Variants in ABCA8 observed in about 807,000 individuals in gnomAD.
The protein encoded by ABCA8 is ABC-type organic anion transporter ABCA8.
Under a neutral mutation model 192.3 loss-of-function variants are expected in ABCA8, and 177 were observed. The observed-to-expected ratio is 0.92, with a 90% CI of 0.81 to 1.04. ABCA8 has a LOEUF of 1.04. Ranked by LOEUF, ABCA8 falls within the 50% of genes least tolerant of loss-of-function variation. ABCA8 has a pLI of 0.00. For synonymous variants in ABCA8, 642 were observed against 690.2 expected, an observed-to-expected ratio of 0.93 and a Z score of 1.09; for missense variants, 1,915 against 1,904.8, an observed-to-expected ratio of 1.01 and a Z score of -0.10.
chr17:68,922,822 T>C (rs1000186345), intron 11 of ABCA8, among the ~76,000 whole-genome samples: 6 of 152,186 alleles, frequency 3.9e-5, no homozygotes, highest in African/African-American at 7.2e-5. Flanking sequence ...GCTTATCCCA[T>C]TACAACCACT....
In ABCA8 at chr17:68,919,305, TTA is replaced by T; in HGVS notation, c.1782_1783del (p.Asp594GlufsTer48). 1 of 1,608,960 alleles carries T rather than the reference TTA, an allele frequency of 6.2e-7. No homozygotes were observed. Among genetic ancestry groups the T allele is most frequent in the Non-Finnish European group, 8.5e-7 (1 of 1,177,296 alleles). On this transcript the variant is annotated frameshift_variant, in exon 14 of 40. Coordinates refer to ENST00000586539, the MANE Select transcript of ABCA8 (RefSeq NM_001288985.2). LOFTEE classifies it high-confidence loss of function. ...AACTTTAACATATTTTTGTACCTCTTTATCCACTTCTTGTGGCAGAATCCCTT... is the reference window on the plus strand; with the variant it reads ...AACTTTAACATATTTTTGTACCTCTTTCCACTTCTTGTGGCAGAATCCCTT...
At chr17:68,877,851 A>C in intron 32 of ABCA8, 172 bp from the exon 33 acceptor site, 1 of 601,026 alleles carries the variant, frequency 1.7e-6, no homozygotes, top group South Asian at 3.9e-5. Context: ...GAGCAAATAC[A>C]GGAAAATAAG....
intron 1 of ABCA8, among the ~76,000 whole-genome samples, chr17:68,951,822 A>C (rs8068042): frequency 0.023 from 3,530 of 152,306 alleles, 142 homozygotes; most frequent in African/African-American, 0.08. Context: ...TATATAAAAA[A>C]CTATCAATGC....
rs1356534254 is a variant in ABCA8 at position 68,877,588 on chromosome 17, C to T, written c.4130G>A (p.Arg1377Lys). The change falls in exon 33 of 40, where the codon AGG (arginine) becomes AAG (lysine). Residue 1377 changes from arginine (R) to lysine (K), a missense_variant. By Grantham distance (26) the Arg-to-Lys change is conservative. Transcript: ENST00000586539. ...GGCGGCGTACACCTCCAGGTGCTGC[C>T]TCACTGTCAGGTTGGGCCACAGCGC... ...ENALWPNLTVRQHLEVYAAVK... is the reference protein window; with the variant it reads ...ENALWPNLTVKQHLEVYAAVK... 1.9e-6 allele frequency: 3 copies of T among 1,614,024 alleles called. No homozygotes were observed. The Admixed American group carries it at 5.0e-5, about 27-fold the overall frequency.
chr17:68,875,427 G>C, intron 36 of ABCA8, 27 bp from the exon 37 acceptor site: 1 of 1,596,366 alleles, frequency 6.3e-7, no homozygotes, highest in Non-Finnish European at 8.5e-7. Flanking sequence ...TATGAGAAAG[G>C]AGAAAAAAAA....
intron 31 of ABCA8, 59 bp from the exon 32 acceptor site, chr17:68,881,270 CAT>C (rs768794959): frequency 2.4e-5 from 29 of 1,221,060 alleles, no homozygotes; most frequent in Non-Finnish European, 3.0e-5. Flanking sequence ...AAGAGTAAAA[CAT>C]AGTTGAAATC....
chr17:68,908,981 A>T (rs1237724874), intron 17 of ABCA8, among the ~76,000 whole-genome samples: 1 of 152,230 alleles, frequency 6.6e-6, no homozygotes, highest in African/African-American at 2.4e-5. Flanking sequence ...CCACTGACAC[A>T]TAAGTCATGT....
At chr17:68,927,637 T>C (rs2067738144) in intron 10 of ABCA8, among the ~76,000 whole-genome samples, 1 of 151,496 alleles carries the variant, frequency 6.6e-6, no homozygotes, top group Non-Finnish European at 1.5e-5. Flanking sequence ...AGGAACTAGC[T>C]TTCTAAGAGG....
At chr17:68,923,291 C>T (rs1364112362) in intron 11 of ABCA8, among the ~76,000 whole-genome samples, 3 of 151,862 alleles carry the variant, frequency 2.0e-5, no homozygotes, top group Non-Finnish European at 2.9e-5. Context: ...CCTCTGCCTC[C>T]TGAGTCCAAG....
chr17:68,938,246 A>AT, intron 4 of ABCA8, among the ~76,000 whole-genome samples: 1 of 152,226 alleles, frequency 6.6e-6, no homozygotes, highest in African/African-American at 2.4e-5. Flanking sequence ...GTTGGAAAGC[A>AT]TATTTTGGAT....
At chr17:68,887,597 C>A in intron 24 of ABCA8, 91 bp from the exon 25 acceptor site, 1 of 1,094,574 alleles carries the variant, frequency 9.1e-7, no homozygotes, top group Non-Finnish European at 1.3e-6. Context: ...TTATTTGTAA[C>A]AATTCTAGAT....
chr17:68,881,960 G>A lies in ABCA8; in HGVS notation c.3849C>T (p.Ser1283=). The stretch of plus-strand genomic sequence containing the variant: ...TCCCTGCATACTCCTTGCGTAGACA[G>A]CTGGCAATGATGACTGGCTTCTGTA... The part of the protein sequence containing the change: ...NFDEKPVIIA[S]CLRKEYAGKR... The change falls in exon 31 of 40, where the codon AGC becomes AGT. Residue 1283 remains serine (S), a synonymous_variant. Coordinates refer to ENST00000586539, the MANE Select transcript of ABCA8 (RefSeq NM_001288985.2). 4.3e-6 allele frequency: 7 copies of A among 1,613,864 alleles called. No individual in the cohort carries two copies. Among genetic ancestry groups the A allele is most frequent in the Non-Finnish European group, 5.9e-6 (7 of 1,179,826 alleles).
intron 10 of ABCA8, 131 bp downstream of exon 10, chr17:68,927,785 A>G: frequency 1.5e-6 from 1 of 687,368 alleles, no homozygotes. Context: ...AGTAGCGACG[A>G]CTTTGTTCCT....
chr17:68,883,211 T>TATTAAAGG (rs1377398881), intron 29 of ABCA8, among the ~76,000 whole-genome samples: 2 of 152,232 alleles, frequency 1.3e-5, no homozygotes, highest in Non-Finnish European at 2.9e-5. Context: ...TCAGAAGATT[T>TATTAAAGG]ATTAAAGGTC....
chr17:68,932,613 T>C (rs954867269), intron 6 of ABCA8, 99 bp from the exon 7 acceptor site: 4 of 876,108 alleles, frequency 4.6e-6, no homozygotes, highest in Admixed American at 4.2e-5. Context: ...ATTGGCCTAT[T>C]GGGATTTGAT....
chr17:68,903,339 C>A lies in ABCA8; in HGVS notation c.2559G>T (p.Leu853Phe), dbSNP rs747926096. 9 of 1,614,184 alleles carry A rather than the reference C, an allele frequency of 5.6e-6. No individual in the cohort carries two copies. The South Asian group carries it at 9.9e-5, about 18-fold the overall frequency. The change falls in exon 20 of 40, where the codon TTG becomes TTT. Residue 853 changes from leucine (L) to phenylalanine (F), a missense_variant. Physicochemically the swap from Leu to Phe is conservative, Grantham distance 22. Coordinates refer to ENST00000586539, the MANE Select transcript of ABCA8 (RefSeq NM_001288985.2). Reference sequence around the variant, plus strand: ...CTTTTCTTTCATGCTTTAACTTTAACAAGCGAACCCTTGCAATTGCGCAGA... The same window carrying A: ...CTTTTCTTTCATGCTTTAACTTTAAAAAGCGAACCCTTGCAATTGCGCAGA... ...QQICAIARVR[L>F]LKLKHERKAL... is the part of the protein sequence containing the mutation.
intron 30 of ABCA8, among the ~76,000 whole-genome samples, 185 bp downstream of exon 30, chr17:68,882,412 ACT>A (rs1431105827): frequency 6.6e-6 from 1 of 152,112 alleles, no homozygotes; most frequent in African/African-American, 2.4e-5. Context: ...TTTCTATTGC[ACT>A]CTATTTTTAA....
chr17:68,898,957 G>A (rs548987313), intron 21 of ABCA8, among the ~76,000 whole-genome samples: 2 of 152,142 alleles, frequency 1.3e-5, no homozygotes, highest in East Asian at 3.9e-4. Flanking sequence ...AAGAAGCTGA[G>A]AGAAGAAAGG....
chr17:68,940,624 A>G (rs1303520203), intron 4 of ABCA8, 134 bp downstream of exon 4: 1 of 755,346 alleles, frequency 1.3e-6, no homozygotes, highest in African/African-American at 1.8e-5. Context: ...CAATAAAGGG[A>G]AGACACATTC....
Sources: gnomAD v4.1 joint callset for allele counts (sites outside exome capture counted in the v4.1 genomes callset) on GRCh38, gnomAD v4.1.1 for gene constraint, MANE v1.5 for transcripts, NCBI Gene and HGNC (gene_info 2026-07-23, HGNC 2026-07-21) for gene names.